The following AMDHD2 variants were observed in gnomAD, a reference collection of about 807,000 sequenced individuals.
AMDHD2 encodes the protein N-acetylglucosamine-6-phosphate deacetylase.
Under a neutral mutation model 41.8 loss-of-function variants are expected in AMDHD2, and 24 were observed. The ratio of observed to expected loss-of-function variants is 0.57; its 90% confidence interval spans 0.42 to 0.81. The LOEUF is 0.81. Among genes scored for constraint, AMDHD2 ranks in the 30% least tolerant of loss-of-function variants. The pLI, the probability that AMDHD2 is intolerant of heterozygous loss-of-function variation, is 0.00. For missense variants in AMDHD2, 540 were observed against 588.5 expected (o/e 0.92, Z 0.85); for synonymous variants, 332 against 255.5 (o/e 1.30, Z -2.85).
rs202039571 is a variant in AMDHD2, at chr16:2,531,008, C to T, written c.*1445C>T. On this transcript the variant is annotated 3_prime_UTR_variant, in exon 11 of 11. Transcript: ENST00000293971. ...GGGAGAGGCAGGTGAGGTTCTCAGC[C>T]GATGTGTTAGAGGTTGAGCATCGCC... is the stretch of plus-strand genomic sequence containing the variant. 48 of 1,612,450 alleles carry T rather than the reference C, an allele frequency of 3.0e-5. No individual in the cohort carries two copies. Among genetic ancestry groups the T allele is most frequent in the Middle Eastern group, 1.7e-4 (1 of 5,992 alleles).
rs776402973 is a variant in AMDHD2 at position 2,529,523 on chromosome 16, C to T, written c.1190C>T (p.Ser397Leu). 2.0e-5 allele frequency: 33 copies of T among 1,611,840 alleles called. No homozygotes were observed. The highest frequency in any genetic ancestry group is 5.5e-5 in the South Asian group (5 of 91,086). ...CTTCACGTCCAGGCCACCTACATCT[C>T]GGGTGAGCTGGTGTGGCAGGCGGAC... ...DSLHVQATYI[S>L]GELVWQADAA... is the part of the protein sequence containing the mutation. The change falls in exon 11 of 11, where the codon TCG (serine) becomes TTG (leucine). Residue 397 changes from serine to leucine, a missense_variant. Transcript: ENST00000293971.
In AMDHD2 at chr16:2,529,108, C is replaced by T. The variant is rs200373646; in HGVS notation, c.1141+13C>T. 1.6e-5 allele frequency: 25 copies of T among 1,541,022 alleles called. No individual in the cohort carries two copies. The highest frequency in any genetic ancestry group is 4.8e-5 in the East Asian group (2 of 41,872). ...GGTGCTGACGCAGGTGAGGGCCTGT[C>T]GCAGGGTCACCGGGCAGCCTGGCCC... On this transcript the variant is annotated intron_variant, in intron 10 of 10. Transcript: ENST00000293971.
Position 2,530,348 on chromosome 16 carries a change from C to T in AMDHD2, c.*785C>T. On this transcript the variant is annotated 3_prime_UTR_variant, in exon 11 of 11. Coordinates refer to ENST00000293971, the MANE Select transcript of AMDHD2 (RefSeq NM_001330449.2). Reference sequence around the variant, plus strand: ...GCCCTGCTCACCCCATTAGTGTCATCCTGCCATCTTCTGTGTCCCCTTGGC... The same window carrying T: ...GCCCTGCTCACCCCATTAGTGTCATTCTGCCATCTTCTGTGTCCCCTTGGC... The T allele has an allele frequency of 1.9e-6, 3 of 1,614,184 alleles. No individual in the cohort carries two copies. The highest frequency in any genetic ancestry group is 2.2e-5 in the South Asian group (2 of 91,084).
rs2065918311 is a variant in AMDHD2, at chr16:2,520,540, A to G, written c.82A>G (p.Arg28Gly). ...GATCCTGCGCGGAGGGAAACTGCTC[A>G]GGTGGGCGCGGGCCGGGGACTGCGG... Reference protein sequence around the residue: ...CRILRGGKLLREDLWVRGGRI... With the variant: ...CRILRGGKLLGEDLWVRGGRI... The change falls in exon 1 of 11, where the codon AGG (arginine) becomes GGG (glycine). Residue 28 changes from arginine (R) to glycine (G), a missense_variant and splice_region_variant. Arg to Gly is a moderately radical substitution (Grantham distance 125). Transcript: ENST00000293971. 3.5e-6 allele frequency: 4 copies of G among 1,131,500 alleles called. No individual in the cohort carries two copies. The highest frequency in any genetic ancestry group is 4.3e-6 in the Non-Finnish European group (4 of 923,754). 70.1% of individuals were successfully genotyped at this position (1,131,500 alleles called of 1,614,324 possible).
chr16:2,529,328 G>C, intron 10 of AMDHD2, 147 bp from the exon 11 acceptor site: 1 of 1,312,742 alleles, frequency 7.6e-7, no homozygotes, highest in East Asian at 2.4e-5. Flanking sequence ...CAGTACCTCT[G>C]TCCATCTGTG....
chr16:2,522,793 C>G (rs539795839), intron 3 of AMDHD2, among the ~76,000 whole-genome samples: 1 of 151,782 alleles, frequency 6.6e-6, no homozygotes, highest in African/African-American at 2.4e-5. Context: ...GGATTATAGG[C>G]GAGAGCCACT....
In AMDHD2 at chr16:2,528,221, C is replaced by T. The variant is rs1437799991; in HGVS notation, c.718-15C>T. On this transcript the variant is annotated splice_polypyrimidine_tract_variant and intron_variant, in intron 6 of 10. Transcript: ENST00000293971. ...CTGCTGTCGCTCAGCCATCCCTTCC[C>T]TCGCCCCTGCCCAGTTCCACCACCG... 6.8e-6 allele frequency: 11 copies of T among 1,611,842 alleles called. No homozygotes were observed. The highest frequency in any genetic ancestry group is 5.3e-5 in the African/African-American group (4 of 74,914).
Position 2,521,057 on chromosome 16 carries a change from C to T in AMDHD2, c.294C>T (p.Ile98=), listed in dbSNP as rs1400589181. Residue 98 remains isoleucine (I), a synonymous_variant, in exon 3 of 11, where the codon ATC becomes ATT. Transcript: ENST00000293971. ...GSGVALVARR[I]LSHGVTSFCP... Reference sequence around the variant, plus strand: ...GGGTTGCCCTCGTGGCCCGGAGGATCCTGTCGCACGGCGTCACCTCCTTCT... The same window carrying T: ...GGGTTGCCCTCGTGGCCCGGAGGATTCTGTCGCACGGCGTCACCTCCTTCT... The T allele has an allele frequency of 2.5e-6, 4 of 1,611,158 alleles. No homozygotes were observed. Among genetic ancestry groups the T allele is most frequent in the Non-Finnish European group, 2.5e-6 (3 of 1,178,406 alleles).
At chr16:2,524,244 T>C (rs931620702) in intron 3 of AMDHD2, among the ~76,000 whole-genome samples, 2 of 152,350 alleles carry the variant, frequency 1.3e-5, no homozygotes, top group African/African-American at 2.4e-5. Context: ...CTTCGGTCTT[T>C]TGTTGTCCTG....
chr16:2,522,558 TC>T (rs2065955128), intron 3 of AMDHD2, among the ~76,000 whole-genome samples: 1 of 151,908 alleles, frequency 6.6e-6, no homozygotes, highest in Non-Finnish European at 1.5e-5. Flanking sequence ...CTACCTGTAG[TC>T]CCAGCTACTT....
chr16:2,526,917 G>A (rs1390757527), intron 3 of AMDHD2, among the ~76,000 whole-genome samples: 1 of 152,044 alleles, frequency 6.6e-6, no homozygotes, highest in Non-Finnish European at 1.5e-5. Context: ...GCGACAAGAG[G>A]GAAACTCCAT....
In AMDHD2 at chr16:2,528,619, C is replaced by T. The variant is rs749967116; in HGVS notation, c.971-31C>T. ...GCCCGCATGCCAGGTGGCCCACGAC[C>T]CCCCCAGAGCCTGCCCTCTCTGCTC... On this transcript the variant is annotated intron_variant, in intron 8 of 10. Coordinates refer to ENST00000293971, the MANE Select transcript of AMDHD2 (RefSeq NM_001330449.2). 5.0e-6 allele frequency: 8 copies of T among 1,612,818 alleles called. No individual in the cohort carries two copies. Among genetic ancestry groups the T allele is most frequent in the South Asian group, 2.2e-5 (2 of 91,086 alleles).
At chr16:2,525,662 A>G (rs533966501) in intron 3 of AMDHD2, among the ~76,000 whole-genome samples, 2 of 152,246 alleles carry the variant, frequency 1.3e-5, no homozygotes, top group African/African-American at 4.8e-5. Flanking sequence ...CTCCTACCTC[A>G]GCCTCCCAGG....
intron 9 of AMDHD2, 118 bp downstream of exon 9, chr16:2,528,836 G>T (rs921773643): frequency 1.9e-6 from 3 of 1,544,856 alleles, no homozygotes; most frequent in Non-Finnish European, 1.8e-6. Flanking sequence ...CTGGGCATTG[G>T]GTACTTGGTG....
Position 2,520,427 on chromosome 16 carries a change from T to C in AMDHD2, c.-32T>C, listed in dbSNP as rs1261597974. On this transcript the variant is annotated 5_prime_UTR_variant, in exon 1 of 11. Coordinates refer to ENST00000293971, the MANE Select transcript of AMDHD2 (RefSeq NM_001330449.2). ...GCGCGGGATTTGGCCGCCGCGGGGC[T>C]CCGGAGCCGCTCGCTCCCGACACGG... 2 of 1,224,616 alleles carry C rather than the reference T, an allele frequency of 1.6e-6. No individual in the cohort carries two copies. Among genetic ancestry groups the C allele is most frequent in the South Asian group, 4.1e-5 (1 of 24,374 alleles). The allele number at this position is 1,224,616 out of a possible 1,614,324, so 75.9% of individuals were successfully genotyped here.
In AMDHD2 at chr16:2,529,500, T is replaced by G; in HGVS notation, c.1167T>G (p.Leu389=). The G allele has an allele frequency of 1.9e-6, 3 of 1,611,616 alleles. No homozygotes were observed. Among genetic ancestry groups the G allele is most frequent in the Non-Finnish European group, 2.5e-6 (3 of 1,179,954 alleles). The change falls in exon 11 of 11, where the codon CTT becomes CTG. Residue 389 remains leucine, a synonymous_variant. Coordinates refer to ENST00000293971, the MANE Select transcript of AMDHD2 (RefSeq NM_001330449.2). The part of the protein sequence containing the change: ...DADFVVLDDS[L]HVQATYISGE... ...ACTTCGTGGTGCTCGACGACTCCCT[T>G]CACGTCCAGGCCACCTACATCTCGG...
Position 2,527,944 on chromosome 16 carries a change from T to G in AMDHD2, c.587T>G (p.Val196Gly). Residue 196 changes from valine (V) to glycine (G), a missense_variant, in exon 5 of 11, where the codon GTG becomes GGG. Transcript: ENST00000293971. The surrounding 1 kb of genome is among the most constrained non-coding windows in gnomAD (Gnocchi z 6.1). ...CCAGAGTTGGGCCGTAGCCACGAAG[T>G]GATCCGGGCGCTGACGGCCCGTGGC... Reference protein sequence around the residue: ...LAPELGRSHEVIRALTARGIC... With the variant: ...LAPELGRSHEGIRALTARGIC... 6.2e-7 allele frequency: 1 copy of G among 1,600,664 alleles called. No individual in the cohort carries two copies. The highest frequency in any genetic ancestry group is 1.3e-5 in the African/African-American group (1 of 75,012).
At chr16:2,523,170 A>G (rs2065963526) in intron 3 of AMDHD2, among the ~76,000 whole-genome samples, 1 of 152,188 alleles carries the variant, frequency 6.6e-6, no homozygotes, top group Admixed American at 6.5e-5. Flanking sequence ...AAGATAATGA[A>G]TATTTTCTTA....
Position 2,527,510 on chromosome 16 carries a change from C to T in AMDHD2, c.361-51C>T, listed in dbSNP as rs1451458108. The T allele has an allele frequency of 1.9e-6, 3 of 1,586,826 alleles. No homozygotes were observed. Among genetic ancestry groups the T allele is most frequent in the Admixed American group, 1.8e-5 (1 of 55,852 alleles). On this transcript the variant is annotated intron_variant, in intron 3 of 10. Transcript: ENST00000293971. The surrounding 1 kb of genome is among the most constrained non-coding windows in gnomAD (Gnocchi z 6.1). ...TCTCTGGCCTTGGCTAGGCTGTGGC[C>T]TCTGGGAATGGGCTGTGGGGGACAG...
Sources: allele counts gnomAD v4.1 joint callset (sites outside exome capture counted in the v4.1 genomes callset), GRCh38; gene constraint gnomAD v4.1.1; non-coding constraint Gnocchi (gnomAD v3.1); transcripts MANE v1.5; gene names NCBI Gene and HGNC (gene_info 2026-07-23, HGNC 2026-07-21).